SLAIN1: variants seen among roughly 807,000 people sequenced by gnomAD.
The protein encoded by SLAIN1 is SLAIN motif-containing protein 1.
A neutral mutation model predicts 55.4 loss-of-function variants in SLAIN1; 17 were observed. That is an observed-to-expected ratio of 0.31 (90% CI 0.21 to 0.46). The LOEUF (loss-of-function observed/expected upper bound fraction) is 0.46, where lower values mean the gene tolerates loss of function less well. Among genes scored for constraint, SLAIN1 ranks in the 20% least tolerant of loss-of-function variants. The pLI is 1.00. For synonymous variants in SLAIN1, 348 were observed against 337.4 expected (o/e 1.03, Z -0.35); for missense variants, 682 against 785.1 (o/e 0.87, Z 1.57).
intron 1 of SLAIN1, among the ~76,000 whole-genome samples, chr13:77,710,617 A>G (rs2091139038): frequency 6.6e-6 from 1 of 152,168 alleles, no homozygotes; most frequent in African/African-American, 2.4e-5. Context: ...CTACAAGGAG[A>G]CTTAGACTCC....
intron 2 of SLAIN1, among the ~76,000 whole-genome samples, chr13:77,739,045 T>C (rs79141369): frequency 0.012 from 1,829 of 152,132 alleles, 34 homozygotes; most frequent in East Asian, 0.018. Context: ...GTTTAACCAC[T>C]TTTCCATGTT....
chr13:77,714,321 A>G (rs2091184736), intron 1 of SLAIN1, among the ~76,000 whole-genome samples: 1 of 152,124 alleles, frequency 6.6e-6, no homozygotes, highest in East Asian at 1.9e-4. Flanking sequence ...TCATCTTAAG[A>G]ACACTGAGTA....
rs1392192754 is a variant in SLAIN1 at position 77,763,428 on chromosome 13, T to C, written c.*208T>C. The C allele has an allele frequency of 7.1e-6, 4 of 561,454 alleles. No homozygotes were observed. The highest frequency in any genetic ancestry group is 6.3e-6 in the Non-Finnish European group (2 of 316,648). The allele number at this position is 561,454 out of a possible 1,614,324, so 34.8% of individuals were successfully genotyped here. On this transcript the variant is annotated 3_prime_UTR_variant, in exon 7 of 7. Coordinates refer to ENST00000418532, the MANE Select transcript of SLAIN1 (RefSeq NM_001242868.2). ...AGATACTGCAACATTCTCAAACCCA[T>C]GGTTGCAGTATTGTGACACTTAGAT...
At chr13:77,724,151 A>G (rs909769074) in intron 2 of SLAIN1, among the ~76,000 whole-genome samples, 1 of 152,018 alleles carries the variant, frequency 6.6e-6, no homozygotes, top group Non-Finnish European at 1.5e-5. Flanking sequence ...GTGGCTTTCT[A>G]TTTCAGTTTA....
intron 2 of SLAIN1, among the ~76,000 whole-genome samples, chr13:77,727,509 A>G (rs1363608522): frequency 6.6e-6 from 1 of 151,830 alleles, no homozygotes; most frequent in Non-Finnish European, 1.5e-5. Context: ...CAAGCCAAAA[A>G]AAAAAAACAA....
At chr13:77,731,540 G>T (rs1202439323) in intron 2 of SLAIN1, among the ~76,000 whole-genome samples, 2 of 152,130 alleles carry the variant, frequency 1.3e-5, no homozygotes, top group African/African-American at 4.8e-5. Context: ...CCTCGGAGAT[G>T]ACCTAGGAGA....
intron 4 of SLAIN1, among the ~76,000 whole-genome samples, chr13:77,748,431 A>C (rs1224117871): frequency 8.3e-6 from 1 of 120,938 alleles, no homozygotes; most frequent in Non-Finnish European, 1.6e-5. Flanking sequence ...TTTTACTTAA[A>C]GTGTTTTAGA....
At chr13:77,738,037 G>T (rs2154410202) in intron 2 of SLAIN1, among the ~76,000 whole-genome samples, 1 of 152,180 alleles carries the variant, frequency 6.6e-6, no homozygotes, top group East Asian at 1.9e-4. Flanking sequence ...GCAGGGAAAT[G>T]CCACATGCTG....
rs1015175634 is a variant in SLAIN1, at chr13:77,698,614, G to A, written c.626+75G>A. On this transcript the variant is annotated intron_variant, in intron 1 of 6. Coordinates refer to ENST00000418532, the MANE Select transcript of SLAIN1 (RefSeq NM_001242868.2). The surrounding 1 kb of genome is among the most constrained non-coding windows in gnomAD (Gnocchi z 4.1). ...GGGCACCGGGGAGCGGGGGCGGGGG[G>A]CGGACGGGGGTCCCCTCGCGGCAGC... The A allele has an allele frequency of 7.5e-7, 1 of 1,328,598 alleles. No homozygotes were observed. Among genetic ancestry groups the A allele is most frequent in the Non-Finnish European group, 9.6e-7 (1 of 1,044,246 alleles). 82.3% of individuals were successfully genotyped at this position (1,328,598 alleles called of 1,614,324 possible).
intron 2 of SLAIN1, among the ~76,000 whole-genome samples, chr13:77,728,519 G>A (rs529329118): frequency 3.9e-5 from 6 of 152,206 alleles, no homozygotes; most frequent in African/African-American, 7.2e-5. Flanking sequence ...CTCATGTTTC[G>A]CTATGACCAT....
chr13:77,760,969 A>G lies in SLAIN1; in HGVS notation c.1556A>G (p.Gln519Arg). Residue 519 changes from glutamine (Q) to arginine (R), a missense_variant, in exon 6 of 7, where the codon CAG becomes CGG. Around this residue, in one of 3 missense-constraint regions of SLAIN1, gnomAD observed 244 missense variants for 295.2 expected, o/e 0.83. Transcript: ENST00000418532. Reference protein sequence around the residue: ...SSNMPLSNGLQLYSNTGIPTP... With the variant: ...SSNMPLSNGLRLYSNTGIPTP... Reference sequence around the variant, plus strand: ...AACATGCCTTTATCAAACGGCTTACAGCTGTATTCCAACACAGGAATCCCC... The same window carrying G: ...AACATGCCTTTATCAAACGGCTTACGGCTGTATTCCAACACAGGAATCCCC... 6.2e-7 allele frequency: 1 copy of G among 1,614,186 alleles called. No homozygotes were observed. The highest frequency in any genetic ancestry group is 1.1e-5 in the South Asian group (1 of 91,078).
At chr13:77,700,991 A>G (rs1469873050) in intron 1 of SLAIN1, among the ~76,000 whole-genome samples, 2 of 152,192 alleles carry the variant, frequency 1.3e-5, no homozygotes, top group Admixed American at 6.5e-5. Flanking sequence ...ACAACAATCA[A>G]TATACAAACA....
intron 2 of SLAIN1, among the ~76,000 whole-genome samples, chr13:77,726,186 G>T (rs2091306153): frequency 6.6e-6 from 1 of 152,106 alleles, no homozygotes; most frequent in South Asian, 2.1e-4. Flanking sequence ...TGAAGAAAAT[G>T]AAGGAAAGGG....
chr13:77,714,264 G>A (rs1196840102), intron 1 of SLAIN1, among the ~76,000 whole-genome samples: 2 of 152,090 alleles, frequency 1.3e-5, no homozygotes, highest in African/African-American at 2.4e-5. Flanking sequence ...CAGGGCTGTG[G>A]TATTCATGGC....
In SLAIN1 at chr13:77,746,605, T is replaced by C; in HGVS notation, c.1008T>C (p.Ser336=). ...GTTCAGGAAAAAAAGGGACATGTAG[T>C]GATCAAGAATATGACCAATACAGTC... ...SLSSGKKGTC[S]DQEYDQYSLE... The change falls in exon 4 of 7, where the codon AGT becomes AGC. Residue 336 remains serine (S), a synonymous_variant. Transcript: ENST00000418532. 1 of 1,613,680 alleles carries C rather than the reference T, an allele frequency of 6.2e-7. No homozygotes were observed. The highest frequency in any genetic ancestry group is 8.5e-7 in the Non-Finnish European group (1 of 1,179,732).
chr13:77,760,734 C>G (rs1211106406), intron 5 of SLAIN1, 94 bp from the exon 6 acceptor site: 9 of 1,348,190 alleles, frequency 6.7e-6, no homozygotes, highest in Non-Finnish European at 8.3e-6. Flanking sequence ...ATATTGTACT[C>G]TCAGGCATAA....
In SLAIN1 at chr13:77,738,202, A is replaced by C. The variant is rs138557509; in HGVS notation, c.767-6081A>C. On this transcript the variant is annotated intron_variant, in intron 2 of 6. Transcript: ENST00000418532. Reference sequence around the variant, plus strand: ...TGGAGCACTACACACACACCCACACACACACACACATATACACATACATAT... The same window carrying C: ...TGGAGCACTACACACACACCCACACCCACACACACATATACACATACATAT... 3.0e-3 allele frequency among the ~76,000 whole-genome samples: 439 copies of C among 148,500 alleles called. 4 individuals are homozygous for C. Among genetic ancestry groups the C allele is most frequent in the African/African-American group, 0.01 (421 of 40,168 alleles).
rs1185848391 is a variant in SLAIN1 at position 77,760,714 on chromosome 13, C to T, written c.1415-114C>T. 1.0e-5 allele frequency: 11 copies of T among 1,100,378 alleles called. No individual in the cohort carries two copies. In the East Asian group the frequency reaches 2.6e-4, roughly 26 times the overall value. 68.2% of individuals were successfully genotyped at this position (1,100,378 alleles called of 1,614,324 possible). On this transcript the variant is annotated intron_variant, in intron 5 of 6. Transcript: ENST00000418532. ...TCTGGAACCTATATTCTGTTTTTCTCCTCCTGTGTATATTGTACTCTCAGG... is the reference window on the plus strand; with the variant it reads ...TCTGGAACCTATATTCTGTTTTTCTTCTCCTGTGTATATTGTACTCTCAGG...
intron 2 of SLAIN1, among the ~76,000 whole-genome samples, chr13:77,735,373 G>T (rs1442629544): frequency 6.6e-6 from 1 of 152,008 alleles, no homozygotes; most frequent in Non-Finnish European, 1.5e-5. Context: ...GAAGTATCCT[G>T]TCAGCCATCA....
Sources: gnomAD v4.1 joint callset for allele counts (sites outside exome capture counted in the v4.1 genomes callset) on GRCh38, gnomAD v4.1.1 for gene constraint, gnomAD v4.1.1 regional missense constraint, Gnocchi (gnomAD v3.1) non-coding constraint, MANE v1.5 for transcripts, NCBI Gene and HGNC (gene_info 2026-07-23, HGNC 2026-07-21) for gene names.